Variants in FYN observed in about 807,000 individuals in gnomAD.
FYN encodes the protein tyrosine-protein kinase Fyn.
In FYN, 10 loss-of-function variants were observed where a neutral mutation model predicts 70.2. The ratio of observed to expected loss-of-function variants is 0.14; its 90% CI spans 0.09 to 0.24. The LOEUF is 0.24. Among genes scored for constraint, FYN ranks in the 10% least tolerant of loss-of-function variants. The pLI is 1.00. For missense variants in FYN, 319 were observed against 673.1 expected (o/e 0.47, Z 5.82); for synonymous variants, 236 against 248.6 (o/e 0.95, Z 0.48).
At chr6:111,801,155 T>C (rs1771970716) in intron 2 of FYN, among the ~76,000 whole-genome samples, 2 of 152,192 alleles carry the variant, frequency 1.3e-5, no homozygotes, top group African/African-American at 4.8e-5. Context: ...CTGGAAACAC[T>C]GTGTGCACCG....
intron 2 of FYN, among the ~76,000 whole-genome samples, chr6:111,824,183 G>A (rs966340979): frequency 6.6e-5 from 10 of 152,212 alleles, no homozygotes; most frequent in African/African-American, 2.4e-4. Flanking sequence ...TTTGCAAGAT[G>A]TGAAGAATGC....
chr6:111,854,805 T>C (rs1215284629), intron 1 of FYN, among the ~76,000 whole-genome samples: 2 of 152,240 alleles, frequency 1.3e-5, no homozygotes, highest in South Asian at 2.1e-4. Flanking sequence ...TGTTGATACT[T>C]ACTATCCATC....
At chr6:111,866,732 T>C (rs568589271) in intron 1 of FYN, among the ~76,000 whole-genome samples, 7 of 152,350 alleles carry the variant, frequency 4.6e-5, no homozygotes, top group African/African-American at 1.7e-4. Context: ...GCTTAACCTC[T>C]TCATTTAACT....
intron 4 of FYN, among the ~76,000 whole-genome samples, chr6:111,714,966 T>C (rs947097427): frequency 6.6e-6 from 1 of 152,190 alleles, no homozygotes; most frequent in East Asian, 1.9e-4. Context: ...TCACCCCAAT[T>C]AGAGGATGTA....
At chr6:111,816,217 TAATC>T (rs774650598) in intron 2 of FYN, among the ~76,000 whole-genome samples, 8 of 152,312 alleles carry the variant, frequency 5.3e-5, no homozygotes, top group African/African-American at 1.4e-4. Flanking sequence ...AAAAGGCAAT[TAATC>T]AAGTCATACA....
chr6:111,690,229 G>T (rs2128428417), intron 12 of FYN, among the ~76,000 whole-genome samples: 1 of 152,230 alleles, frequency 6.6e-6, no homozygotes, highest in Non-Finnish European at 1.5e-5. Flanking sequence ...TGGTGCCTGT[G>T]GTGAGTTCTG....
intron 12 of FYN, among the ~76,000 whole-genome samples, chr6:111,682,198 C>T (rs374188728): frequency 7.9e-5 from 12 of 152,302 alleles, no homozygotes; most frequent in East Asian, 3.9e-4. Flanking sequence ...TCAAACTAAA[C>T]GCAAAGAGTG....
rs186792566 is a variant in FYN, at chr6:111,862,818, G to A, written c.-123+10150C>T. ...TCAATGCAAGAGAATAAAGAGATTG[G>A]GGGAAGCTTTTGAGAGTTGGGATTC... is the stretch of plus-strand genomic sequence containing the variant. On this transcript the variant is annotated intron_variant, in intron 1 of 13. Transcript: ENST00000354650. Among the ~76,000 whole-genome samples the A allele has an allele frequency of 6.2e-3, 949 of 152,298 alleles. 7 individuals carry two copies. The highest frequency in any genetic ancestry group is 8.8e-3 in the Non-Finnish European group (597 of 68,020).
At chr6:111,805,279 G>A (rs945589345) in intron 2 of FYN, among the ~76,000 whole-genome samples, 2 of 152,206 alleles carry the variant, frequency 1.3e-5, no homozygotes, top group African/African-American at 4.8e-5. Context: ...TCACGGAGCT[G>A]TCAAATATCA....
At chr6:111,726,143 A>C (rs1362272754) in intron 3 of FYN, among the ~76,000 whole-genome samples, 3 of 152,198 alleles carry the variant, frequency 2.0e-5, no homozygotes, top group African/African-American at 7.2e-5. Flanking sequence ...ACAACAACAT[A>C]ATCAGCTAAC....
chr6:111,841,616 T>C, intron 2 of FYN, among the ~76,000 whole-genome samples: 1 of 152,200 alleles, frequency 6.6e-6, no homozygotes, highest in Non-Finnish European at 1.5e-5. Context: ...CCAGTGTTCG[T>C]TAATGTGTAA....
chr6:111,695,737 T>C (rs1406427121), intron 10 of FYN, among the ~76,000 whole-genome samples: 1 of 152,180 alleles, frequency 6.6e-6, no homozygotes, highest in East Asian at 1.9e-4. Flanking sequence ...CTAACAATGC[T>C]GGTTTGATTA....
At chr6:111,757,453 G>A (rs1802790129) in intron 3 of FYN, among the ~76,000 whole-genome samples, 1 of 152,198 alleles carries the variant, frequency 6.6e-6, no homozygotes, top group East Asian at 1.9e-4. Flanking sequence ...TTGTAGATGG[G>A]GTTACTTTGA....
chr6:111,813,157 G>A (rs1772379664), intron 2 of FYN, among the ~76,000 whole-genome samples: 1 of 152,084 alleles, frequency 6.6e-6, no homozygotes, highest in South Asian at 2.1e-4. Flanking sequence ...ATACAAAGTT[G>A]GATTTGTTTT....
Position 111,694,610 on chromosome 6 carries a change from T to C in FYN, c.1119+18A>G, listed in dbSNP as rs374665881. 1.9e-6 allele frequency: 3 copies of C among 1,613,792 alleles called. No individual in the cohort carries two copies. The highest frequency in any genetic ancestry group is 1.3e-5 in the African/African-American group (1 of 74,938). ...GTCATTAAATCTATGGCACATCAAG[T>C]TACCCTGCAGGGCCTACCTGTGCTG... On this transcript the variant is annotated intron_variant, in intron 11 of 13. Transcript: ENST00000354650. The surrounding 1 kb of genome is among the most constrained non-coding windows in gnomAD (Gnocchi z 5.0).
At chr6:111,836,432 T>C (rs1773188379) in intron 2 of FYN, among the ~76,000 whole-genome samples, 1 of 151,830 alleles carries the variant, frequency 6.6e-6, no homozygotes, top group Non-Finnish European at 1.5e-5. Context: ...AAAGAAAAAT[T>C]TTTAAATTAT....
intron 3 of FYN, among the ~76,000 whole-genome samples, chr6:111,758,455 C>T (rs1802847072): frequency 1.3e-5 from 2 of 151,950 alleles, no homozygotes; most frequent in African/African-American, 2.4e-5. Context: ...TTAATGTGGA[C>T]GTTATTTAAA....
At chr6:111,866,451 C>A (rs769703898) in intron 1 of FYN, among the ~76,000 whole-genome samples, 6 of 152,260 alleles carry the variant, frequency 3.9e-5, no homozygotes, top group Non-Finnish European at 8.8e-5. Context: ...AAGCGATTCG[C>A]CTGCCTCAGG....
chr6:111,691,036 C>T (rs1799292436), intron 12 of FYN, among the ~76,000 whole-genome samples: 1 of 152,238 alleles, frequency 6.6e-6, no homozygotes, highest in South Asian at 2.1e-4. Context: ...TAAAGACGAA[C>T]TATCTGCTGT....
Sources: allele counts gnomAD v4.1 joint callset (sites outside exome capture counted in the v4.1 genomes callset), GRCh38; gene constraint gnomAD v4.1.1; non-coding constraint Gnocchi (gnomAD v3.1); transcripts MANE v1.5; gene names NCBI Gene and HGNC (gene_info 2026-07-23, HGNC 2026-07-21).